IQGAP2: variants seen among roughly 807,000 people sequenced by gnomAD.
The protein encoded by IQGAP2 is ras GTPase-activating-like protein IQGAP2.
Under a neutral mutation model 201.3 loss-of-function variants are expected in IQGAP2, and 173 were observed. That is an observed-to-expected ratio of 0.86 (90% CI 0.76 to 0.98). The LOEUF is 0.98. Ranked by LOEUF, IQGAP2 falls within the 50% of genes least tolerant of loss-of-function variation. The pLI, the probability that IQGAP2 is intolerant of heterozygous loss-of-function variation, is 0.00. For missense variants in IQGAP2, 1,687 were observed against 1,864.8 expected, an observed-to-expected ratio of 0.90 and a Z score of 1.76; for synonymous variants, 675 against 673.9, an observed-to-expected ratio of 1.00 and a Z score of -0.03.
In IQGAP2 at chr5:76,701,133, A is replaced by G. The variant is rs150986204; in HGVS notation, c.4425A>G (p.Arg1475=). 4 of 1,614,074 alleles carry G rather than the reference A, an allele frequency of 2.5e-6. No individual in the cohort carries two copies. The African/African-American group carries it at 4.0e-5, about 16-fold the overall frequency. The stretch of plus-strand genomic sequence containing the variant: ...AAGGAGAACCCAAAGGGGCGAAGAG[A>G]GCGAAGCCAGTGAAGTACACTGCAG... ...DGKGEPKGAK[R]AKPVKYTAAK... The change falls in exon 34 of 36, where the codon AGA becomes AGG. Residue 1475 remains arginine, a synonymous_variant. Transcript: ENST00000274364.
chr5:76,541,150 A>T (rs1207300734), intron 2 of IQGAP2, among the ~76,000 whole-genome samples: 1 of 152,148 alleles, frequency 6.6e-6, no homozygotes, highest in Non-Finnish European at 1.5e-5. Flanking sequence ...TATCTTGCAA[A>T]GCTGAAACTC....
At chr5:76,638,184 A>G (rs1021776723) in intron 16 of IQGAP2, among the ~76,000 whole-genome samples, 5 of 152,218 alleles carry the variant, frequency 3.3e-5, no homozygotes, top group Admixed American at 6.5e-5. Context: ...CTCATTTAGA[A>G]AAGTCTGCAT....
chr5:76,470,560 G>A (rs909457831), intron 2 of IQGAP2, among the ~76,000 whole-genome samples: 1 of 152,104 alleles, frequency 6.6e-6, no homozygotes, highest in Non-Finnish European at 1.5e-5. Context: ...CTGCTGCCTT[G>A]ATTGTTTTTT....
intron 8 of IQGAP2, among the ~76,000 whole-genome samples, chr5:76,592,244 A>C (rs1432035567): frequency 1.3e-5 from 2 of 152,168 alleles, no homozygotes; most frequent in African/African-American, 4.8e-5. Context: ...CTTAGCCTTC[A>C]GCTGACCCCC....
At chr5:76,660,577 G>A (rs916434924) in intron 21 of IQGAP2, among the ~76,000 whole-genome samples, 56 of 152,126 alleles carry the variant, frequency 3.7e-4, no homozygotes, top group African/African-American at 1.3e-3. Flanking sequence ...TAAATAATAT[G>A]TATCTTTTGG....
At chr5:76,638,851 C>T (rs1193654060) in intron 16 of IQGAP2, among the ~76,000 whole-genome samples, 2 of 152,080 alleles carry the variant, frequency 1.3e-5, no homozygotes, top group African/African-American at 2.4e-5. Context: ...TAGATCTTGC[C>T]GAATGGCCTT....
chr5:76,492,046 C>T (rs889465708), intron 2 of IQGAP2, among the ~76,000 whole-genome samples: 4 of 152,150 alleles, frequency 2.6e-5, no homozygotes, highest in Non-Finnish European at 5.9e-5. Flanking sequence ...TGAGACACAG[C>T]CCTGTTCATG....
intron 21 of IQGAP2, among the ~76,000 whole-genome samples, chr5:76,664,643 A>C (rs1743573879): frequency 6.6e-6 from 1 of 152,060 alleles, no homozygotes; most frequent in Non-Finnish European, 1.5e-5. Flanking sequence ...AGGTTGCACC[A>C]CTGCACTCCA....
rs770939019 is a variant in IQGAP2, at chr5:76,600,886, G to A, written c.1146G>A (p.Leu382=). The change falls in exon 11 of 36, where the codon TTG becomes TTA. Residue 382 remains leucine, a synonymous_variant. Coordinates refer to ENST00000274364, the MANE Select transcript of IQGAP2 (RefSeq NM_006633.5). ...CTGTTGCTTTACTAAACCAGGCCTT[G>A]GAAAGCAACGATCTTGTGTCTGTGC... is the stretch of plus-strand genomic sequence containing the variant. The part of the protein sequence containing the change: ...LSAVALLNQA[L]ESNDLVSVQN... The A allele has an allele frequency of 4.3e-6, 7 of 1,614,016 alleles. No homozygotes were observed. Among genetic ancestry groups the A allele is most frequent in the Admixed American group, 1.7e-5 (1 of 59,978 alleles).
At chr5:76,404,188 C>A (rs903234976) in intron 1 of IQGAP2, among the ~76,000 whole-genome samples, 18 of 152,266 alleles carry the variant, frequency 1.2e-4, no homozygotes, top group Admixed American at 1.0e-3. Context: ...CTTTCCCCCC[C>A]GCTCCCCTCG....
chr5:76,683,686 A>G lies in IQGAP2; in HGVS notation c.3764-90A>G, dbSNP rs147819291. The stretch of plus-strand genomic sequence containing the variant: ...GATCTCCCATTTAATTACCAAGCCT[A>G]TCTTTCCCACAGAACCTTTATCTTA... On this transcript the variant is annotated intron_variant, in intron 29 of 35. Coordinates refer to ENST00000274364, the MANE Select transcript of IQGAP2 (RefSeq NM_006633.5). 398 of 1,249,232 alleles carry G rather than the reference A, an allele frequency of 3.2e-4. No homozygotes were observed. In the African/African-American group the frequency reaches 5.1e-3, roughly 16 times the overall value. 77.4% of individuals were successfully genotyped at this position (1,249,232 alleles called of 1,614,324 possible).
At chr5:76,550,663 GT>G (rs2150233000) in intron 2 of IQGAP2, among the ~76,000 whole-genome samples, 1 of 152,300 alleles carries the variant, frequency 6.6e-6, no homozygotes, top group East Asian at 1.9e-4. Flanking sequence ...AGAGCACGGG[GT>G]TGGGGGTAGG....
chr5:76,628,376 C>G (rs1043725844), intron 14 of IQGAP2, among the ~76,000 whole-genome samples: 1 of 152,172 alleles, frequency 6.6e-6, no homozygotes, highest in Non-Finnish European at 1.5e-5. Context: ...GGTCCCTAAA[C>G]TCTTTCTGTG....
chr5:76,531,207 G>A (rs994882294), intron 2 of IQGAP2, among the ~76,000 whole-genome samples: 2 of 152,204 alleles, frequency 1.3e-5, no homozygotes, highest in Non-Finnish European at 1.5e-5. Flanking sequence ...CCATGTCCTC[G>A]GGTGGCAGAG....
intron 22 of IQGAP2, among the ~76,000 whole-genome samples, chr5:76,666,204 C>G (rs1270977648): frequency 6.6e-6 from 1 of 152,194 alleles, no homozygotes; most frequent in Non-Finnish European, 1.5e-5. Context: ...CAAGTGGCCA[C>G]CACATGGCGG....
At chr5:76,535,115 G>T (rs897525349) in intron 2 of IQGAP2, among the ~76,000 whole-genome samples, 3 of 152,178 alleles carry the variant, frequency 2.0e-5, no homozygotes, top group African/African-American at 7.2e-5. Flanking sequence ...CTAGGTCCAG[G>T]TGAAAGCACT....
At chr5:76,638,493 G>T (rs950667929) in intron 16 of IQGAP2, among the ~76,000 whole-genome samples, 6 of 152,096 alleles carry the variant, frequency 3.9e-5, no homozygotes, top group Non-Finnish European at 8.8e-5. Flanking sequence ...TCCCCCATGT[G>T]CCTTGTCCAT....
At chr5:76,404,123 C>T (rs1750663519) in intron 1 of IQGAP2, among the ~76,000 whole-genome samples, 1 of 152,138 alleles carries the variant, frequency 6.6e-6, no homozygotes, top group African/African-American at 2.4e-5. Flanking sequence ...ACCTGACCCG[C>T]TAGAGCCATT....
chr5:76,617,952 C>G, intron 13 of IQGAP2: 3 of 1,614,042 alleles, frequency 1.9e-6, no homozygotes, highest in African/African-American at 2.7e-5. Context: ...TGAGGACTCG[C>G]AAGTGTTGTG....
Sources: allele counts gnomAD v4.1 joint callset (sites outside exome capture counted in the v4.1 genomes callset), GRCh38; gene constraint gnomAD v4.1.1; transcripts MANE v1.5; gene names NCBI Gene and HGNC (gene_info 2026-07-23, HGNC 2026-07-21).